The following AHRR variants were observed in gnomAD, a reference collection of about 807,000 sequenced individuals.
The protein encoded by AHRR is aryl hydrocarbon receptor repressor.
In AHRR, 28 loss-of-function variants were observed where a neutral mutation model predicts 44.0. That is an observed-to-expected ratio of 0.64 (90% CI 0.47 to 0.87). The LOEUF is 0.87. AHRR is among the 40% of genes least tolerant of loss of function. The probability of loss-of-function intolerance (pLI) is 0.00; values close to 1 mark genes in which losing one functional copy is unlikely to be tolerated. For synonymous variants in AHRR, 434 were observed against 407.0 expected, an observed-to-expected ratio of 1.07 and a Z score of -0.80; for missense variants, 990 against 953.9, an observed-to-expected ratio of 1.04 and a Z score of -0.50.
At chr5:333,641 A>G (rs1181128727) in intron 1 of AHRR, among the ~76,000 whole-genome samples, 2 of 152,110 alleles carry the variant, frequency 1.3e-5, no homozygotes, top group African/African-American at 4.8e-5. Context: ...GTTTACCTTC[A>G]AGGTTAATAT....
chr5:403,651 A>AG, intron 4 of AHRR: 1 of 537,384 alleles, frequency 1.9e-6, no homozygotes, highest in Non-Finnish European at 3.2e-6. Flanking sequence ...AAAAAAAAAA[A>AG]AAAGTAACCA....
chr5:379,163 A>G (rs1225671710), intron 4 of AHRR, among the ~76,000 whole-genome samples: 2 of 152,194 alleles, frequency 1.3e-5, no homozygotes, highest in African/African-American at 4.8e-5. Flanking sequence ...GGCCAGCTTC[A>G]GTCAGCACAG....
chr5:371,381 G>A (rs550948290), intron 3 of AHRR, among the ~76,000 whole-genome samples: 17 of 152,332 alleles, frequency 1.1e-4, no homozygotes, highest in African/African-American at 2.9e-4. Flanking sequence ...TTCGAGGGCC[G>A]GCTGTGACTG....
intron 3 of AHRR, among the ~76,000 whole-genome samples, chr5:376,145 C>A (rs1733626398): frequency 9.2e-6 from 1 of 108,782 alleles, no homozygotes; most frequent in South Asian, 2.2e-4. Context: ...ACGCAGGGGA[C>A]CTTGGCCCAG....
intron 7 of AHRR, among the ~76,000 whole-genome samples, chr5:425,880 C>T (rs1482401063): frequency 5.9e-5 from 9 of 152,236 alleles, no homozygotes; most frequent in African/African-American, 2.2e-4. Context: ...CCTGCAGGAC[C>T]TCACGGCTCT....
chr5:432,872 A>G lies in AHRR; in HGVS notation c.1037A>G (p.Gln346Arg), dbSNP rs578226285. The G allele has an allele frequency of 3.7e-6, 6 of 1,613,790 alleles. No homozygotes were observed. In the South Asian group the frequency reaches 4.4e-5, roughly 12 times the overall value. ...CAGACTGACGCTGGCCGATGGGCACAGGTTCCCGCCAGGGCCCCATGCCTG... is the reference window on the plus strand; with the variant it reads ...CAGACTGACGCTGGCCGATGGGCACGGGTTCCCGCCAGGGCCCCATGCCTG... ...REQTDAGRWA[Q>R]VPARAPCLCL... Residue 346 changes from glutamine to arginine, a missense_variant, in exon 10 of 11, where the codon CAG (glutamine) becomes CGG (arginine). Transcript: ENST00000684583.
chr5:354,981 C>T (rs1031083604), intron 3 of AHRR, among the ~76,000 whole-genome samples: 1 of 152,258 alleles, frequency 6.6e-6, no homozygotes, highest in Non-Finnish European at 1.5e-5. Context: ...TTCCCCGGGT[C>T]CCGGCTGGCC....
chr5:356,190 G>A (rs1178317343), intron 3 of AHRR, among the ~76,000 whole-genome samples: 2 of 152,202 alleles, frequency 1.3e-5, no homozygotes, highest in African/African-American at 4.8e-5. Flanking sequence ...GGGAAGTCAG[G>A]CACAAAATAA....
intron 4 of AHRR, among the ~76,000 whole-genome samples, chr5:410,245 G>A (rs576039667): frequency 7.2e-5 from 11 of 152,370 alleles, no homozygotes; most frequent in Middle Eastern, 3.4e-3. Context: ...CACCCAGGCT[G>A]AAGTGCAGTG....
chr5:434,761 C>A lies in AHRR; in HGVS notation c.2021C>A (p.Pro674His). 6.4e-7 allele frequency: 1 copy of A among 1,563,224 alleles called. No individual in the cohort carries two copies. Among genetic ancestry groups the A allele is most frequent in the African/African-American group, 1.4e-5 (1 of 73,826 alleles). ...GCTACTCACAGCCAGGGAATGGTGC[C>A]CGGGATGTTGCCCAAAAGTGCCTTG... The part of the protein sequence containing the change: ...QWATHSQGMV[P>H]GMLPKSALAT... The change falls in exon 11 of 11, where the codon CCC (proline) becomes CAC (histidine). Residue 674 changes from proline (P) to histidine (H), a missense_variant. Coordinates refer to ENST00000684583, the MANE Select transcript of AHRR (RefSeq NM_001377236.1).
chr5:432,676 C>T (rs769524185), intron 9 of AHRR, 130 bp from the exon 10 acceptor site: 101 of 1,529,508 alleles, frequency 6.6e-5, no homozygotes, highest in African/African-American at 1.2e-4. Flanking sequence ...GGACAAGTGC[C>T]GTTCCTGGGC....
intron 1 of AHRR, among the ~76,000 whole-genome samples, chr5:340,682 A>AT (rs1742305058): frequency 1.3e-4 from 3 of 23,768 alleles, no homozygotes; most frequent in African/African-American, 6.1e-4. Flanking sequence ...ATATATATAT[A>AT]TATATATTTT....
At chr5:378,271 A>G (rs1444100206) in intron 4 of AHRR, among the ~76,000 whole-genome samples, 1 of 152,246 alleles carries the variant, frequency 6.6e-6, no homozygotes, top group African/African-American at 2.4e-5. Context: ...GGGGAGGTTT[A>G]TGGCAGGGCA....
intron 4 of AHRR, among the ~76,000 whole-genome samples, chr5:398,952 C>T (rs558616501): frequency 2.6e-5 from 4 of 152,372 alleles, no homozygotes; most frequent in Admixed American, 1.3e-4. Flanking sequence ...ACCACCGTGG[C>T]GCACCTCATT....
intron 2 of AHRR, among the ~76,000 whole-genome samples, chr5:346,080 C>A (rs534973843): frequency 6.6e-6 from 1 of 152,134 alleles, no homozygotes; most frequent in Non-Finnish European, 1.5e-5. Context: ...GGCACACAGC[C>A]GAGGCCGGGA....
intron 4 of AHRR, among the ~76,000 whole-genome samples, chr5:392,315 G>A (rs1734496522): frequency 3.9e-5 from 4 of 102,802 alleles, no homozygotes; most frequent in East Asian, 3.1e-4. Flanking sequence ...GGGCCAGAGC[G>A]TGCACGGGCG....
intron 7 of AHRR, among the ~76,000 whole-genome samples, chr5:427,230 C>G (rs890039353): frequency 6.6e-6 from 1 of 152,196 alleles, no homozygotes; most frequent in African/African-American, 2.4e-5. Flanking sequence ...TATACATCAG[C>G]CTTCCCTTTG....
Position 435,389 on chromosome 5 carries a change from GAA to G in AHRR, c.*557_*558del. The G allele has an allele frequency of 1.3e-5, 2 of 154,032 alleles. No homozygotes were observed. The highest frequency in any genetic ancestry group is 2.9e-5 in the Non-Finnish European group (2 of 69,266). The allele number at this position is 154,032 out of a possible 1,614,324, so 9.5% of individuals were successfully genotyped here. ...GTAGAGGCCAGCACACGGCAAATTAGAAATACAACACGCGGAGAAAGGGGTCC... is the reference window on the plus strand; with the variant it reads ...GTAGAGGCCAGCACACGGCAAATTAGATACAACACGCGGAGAAAGGGGTCC... On this transcript the variant is annotated 3_prime_UTR_variant, in exon 11 of 11. Transcript: ENST00000684583.
intron 8 of AHRR, among the ~76,000 whole-genome samples, chr5:429,308 C>T (rs923617394): frequency 2.9e-5 from 4 of 139,992 alleles, no homozygotes; most frequent in Non-Finnish European, 6.3e-5. Context: ...GAGAATCTTG[C>T]AGGAGTGAGG....
Sources: gnomAD v4.1 joint callset for allele counts (sites outside exome capture counted in the v4.1 genomes callset) on GRCh38, gnomAD v4.1.1 for gene constraint, MANE v1.5 for transcripts, NCBI Gene and HGNC (gene_info 2026-07-23, HGNC 2026-07-21) for gene names.